Variants in PRKACA observed in about 807,000 individuals in gnomAD.
PRKACA encodes cAMP-dependent protein kinase catalytic subunit alpha.
In PRKACA, 9 loss-of-function variants were observed where a neutral mutation model predicts 45.8. The observed-to-expected ratio is 0.20, with a 90% CI of 0.12 to 0.34. PRKACA has a LOEUF of 0.34. PRKACA is among the 10% of genes least tolerant of loss of function. The probability of loss-of-function intolerance (pLI) is 1.00; values close to 1 mark genes in which losing one functional copy is unlikely to be tolerated. For missense variants in PRKACA, 238 were observed against 458.6 expected (o/e 0.52, Z 4.39); for synonymous variants, 160 against 178.6 (o/e 0.90, Z 0.83).
At chr19:14,098,165 C>G in intron 5 of PRKACA, 1 of 363,518 alleles carries the variant, frequency 2.8e-6, no homozygotes, top group Non-Finnish European at 5.1e-6. Context: ...AACAATGTGG[C>G]TGCATTTCAA....
chr19:14,095,906 C>T (rs1977234860), intron 8 of PRKACA, among the ~76,000 whole-genome samples: 1 of 151,970 alleles, frequency 6.6e-6, no homozygotes, highest in Admixed American at 6.6e-5. Flanking sequence ...GCTCTGTGAC[C>T]CAGGCTAGAC....
chr19:14,097,081 C>T lies in PRKACA; in HGVS notation c.765+280G>A, dbSNP rs1021646552. 10 of 457,588 alleles carry T rather than the reference C, an allele frequency of 2.2e-5. No individual in the cohort carries two copies. The highest frequency in any genetic ancestry group is 1.8e-4 in the African/African-American group (9 of 50,328). The allele number at this position is 457,588 out of a possible 1,614,324, so 28.3% of individuals were successfully genotyped here. ...TGGGATGAGGAGCGAAAAGGAGGGT[C>T]GTCTGGCAGGGCGGTTTGTGTTCTG... On this transcript the variant is annotated intron_variant, in intron 8 of 9. Coordinates refer to ENST00000308677, the MANE Select transcript of PRKACA (RefSeq NM_002730.4). The surrounding 1 kb of genome is among the most constrained non-coding windows in gnomAD (Gnocchi z 5.4).
At chr19:14,107,716 T>G in intron 1 of PRKACA, 10 of 1,138,756 alleles carry the variant, frequency 8.8e-6, no homozygotes, top group Middle Eastern at 3.9e-4. Context: ...CTGACCGACA[T>G]TCCATGGCCA....
chr19:14,095,488 G>A (rs1241303184), intron 8 of PRKACA, among the ~76,000 whole-genome samples: 1 of 150,728 alleles, frequency 6.6e-6, no homozygotes, highest in Non-Finnish European at 1.5e-5. Flanking sequence ...CCATTTTCTT[G>A]GCAGTTTCTT....
chr19:14,113,063 T>C (rs1397327859), intron 1 of PRKACA, among the ~76,000 whole-genome samples: 1 of 152,154 alleles, frequency 6.6e-6, no homozygotes, highest in African/African-American at 2.4e-5. Context: ...AATGGGTATA[T>C]CTGACTCTTT....
chr19:14,106,956 GCATCC>G, intron 2 of PRKACA, 68 bp from the exon 3 acceptor site: 1 of 1,582,640 alleles, frequency 6.3e-7, no homozygotes, highest in Non-Finnish European at 8.6e-7. Context: ...AAGGTCTGGG[GCATCC>G]CCTCTGCCAC....
intron 4 of PRKACA, 62 bp from the exon 5 acceptor site, chr19:14,100,970 T>C: frequency 1.4e-6 from 2 of 1,432,512 alleles, no homozygotes; most frequent in Non-Finnish European, 9.9e-7. Context: ...TCTGAAGGCC[T>C]TGGGGGCCTC....
intron 5 of PRKACA, chr19:14,098,113 TCAC>T (rs968682870): frequency 4.5e-5 from 23 of 510,498 alleles, no homozygotes; most frequent in African/African-American, 2.1e-4. Context: ...GGAATTCCAC[TCAC>T]CACCACCACC....
chr19:14,109,965 A>AAAT (rs1568537449), intron 1 of PRKACA, among the ~76,000 whole-genome samples: 6 of 23,772 alleles, frequency 2.5e-4, no homozygotes, highest in Non-Finnish European at 4.3e-4. Context: ...AAAAAAAAAA[A>AAAT]ATATATATAT....
intron 9 of PRKACA, 99 bp downstream of exon 9, chr19:14,093,529 C>G: frequency 6.9e-7 from 1 of 1,456,630 alleles, no homozygotes; most frequent in African/African-American, 1.4e-5. Flanking sequence ...CTAGGTTGCT[C>G]CTGAACCTGT....
chr19:14,107,025 C>T (rs1012541742), intron 2 of PRKACA, 137 bp from the exon 3 acceptor site: 34 of 1,163,466 alleles, frequency 2.9e-5, no homozygotes, highest in South Asian at 1.2e-4. Flanking sequence ...GGACAGGGGG[C>T]GGAAAATCAA....
intron 8 of PRKACA, among the ~76,000 whole-genome samples, chr19:14,094,252 G>A (rs1426917686): frequency 8.0e-5 from 12 of 149,440 alleles, no homozygotes; most frequent in African/African-American, 2.2e-4. Context: ...GCAGTGGTGC[G>A]ATCTGGGCTC....
In PRKACA at chr19:14,097,045, C is replaced by T; in HGVS notation, c.765+316G>A. ...TTTTCTGCCTTGGAATTTGCGAAAACTCACACTAACTGGGATGAGGAGCGA... is the reference window on the plus strand; with the variant it reads ...TTTTCTGCCTTGGAATTTGCGAAAATTCACACTAACTGGGATGAGGAGCGA... On this transcript the variant is annotated intron_variant, in intron 8 of 9. Transcript: ENST00000308677. The surrounding 1 kb of genome is among the most constrained non-coding windows in gnomAD (Gnocchi z 5.4). 2 of 393,024 alleles carry T rather than the reference C, an allele frequency of 5.1e-6. No individual in the cohort carries two copies. The highest frequency in any genetic ancestry group is 4.8e-6 in the Non-Finnish European group (1 of 206,392). The allele number at this position is 393,024 out of a possible 1,614,324, so 24.3% of individuals were successfully genotyped here.
At chr19:14,093,582 T>G (rs780151912) in intron 9 of PRKACA, 46 bp downstream of exon 9, 1 of 1,584,976 alleles carries the variant, frequency 6.3e-7, no homozygotes, top group Non-Finnish European at 8.6e-7. Context: ...CCCTGACTCT[T>G]GGCCTGCTCC....
rs565235625 is a variant in PRKACA, at chr19:14,096,676, C to T, written c.765+685G>A. The T allele has an allele frequency of 5.1e-4, 81 of 157,626 alleles. 3 individuals are homozygous for T. The highest frequency in any genetic ancestry group is 4.1e-3 in the Admixed American group (69 of 16,702). 9.8% of individuals were successfully genotyped at this position (157,626 alleles called of 1,614,324 possible). The stretch of plus-strand genomic sequence containing the variant: ...AGAGGTGGGGTCCCCAACCTCTCTC[C>T]GGCCATCAGTGCCTACAATGATTGC... On this transcript the variant is annotated intron_variant, in intron 8 of 9. Transcript: ENST00000308677.
At chr19:14,093,361 G>T in intron 9 of PRKACA, 124 bp from the exon 10 acceptor site, 1 of 1,319,644 alleles carries the variant, frequency 7.6e-7, no homozygotes, top group East Asian at 2.4e-5. Context: ...CTTACCATTA[G>T]GTTATGGATT....
intron 1 of PRKACA, among the ~76,000 whole-genome samples, chr19:14,108,897 T>C (rs996851571): frequency 1.4e-4 from 21 of 151,518 alleles, no homozygotes; most frequent in Non-Finnish European, 2.9e-4. Flanking sequence ...CCAGCTAATT[T>C]TGGTATGTTT....
chr19:14,093,596 A>G, intron 9 of PRKACA, 32 bp downstream of exon 9: 1 of 1,600,596 alleles, frequency 6.2e-7, no homozygotes, highest in Non-Finnish European at 8.5e-7. Flanking sequence ...CTGCTCCCAA[A>G]CCCTCAGCAG....
chr19:14,108,874 C>A (rs1308437261), intron 1 of PRKACA, among the ~76,000 whole-genome samples: 4 of 151,604 alleles, frequency 2.6e-5, no homozygotes, highest in Non-Finnish European at 4.4e-5. Context: ...ATTACAGACA[C>A]CTGCCACCAC....
Sources: gnomAD v4.1 joint callset for allele counts (sites outside exome capture counted in the v4.1 genomes callset) on GRCh38, gnomAD v4.1.1 for gene constraint, Gnocchi (gnomAD v3.1) non-coding constraint, MANE v1.5 for transcripts, NCBI Gene and HGNC (gene_info 2026-07-23, HGNC 2026-07-21) for gene names.